Variants in NCKAP5 observed in about 807,000 individuals in gnomAD.
NCKAP5 encodes NCK associated protein 5.
NCKAP5 carries 92 observed loss-of-function variants against 167.0 expected under a neutral mutation model. That is an observed-to-expected ratio of 0.55 (90% CI 0.47 to 0.66). NCKAP5 has a LOEUF of 0.66. Ranked by LOEUF, NCKAP5 falls within the 30% of genes least tolerant of loss-of-function variation. NCKAP5 has a pLI of 0.00. For synonymous variants in NCKAP5, 891 were observed against 877.4 expected (o/e 1.02, Z -0.27); for missense variants, 2,378 against 2,315.0 (o/e 1.03, Z -0.56).
chr2:133,020,093 C>A (rs1275947218), intron 6 of NCKAP5, among the ~76,000 whole-genome samples: 3 of 152,196 alleles, frequency 2.0e-5, no homozygotes, highest in Admixed American at 2.0e-4. Context: ...TAACTGAAGT[C>A]ATTTATGAAT....
chr2:133,537,316 T>C (rs1386814986), intron 2 of NCKAP5, among the ~76,000 whole-genome samples: 1 of 152,088 alleles, frequency 6.6e-6, no homozygotes, highest in Non-Finnish European at 1.5e-5. Context: ...CATATGAATT[T>C]TGAGATCAAC....
At chr2:133,260,075 G>C (rs559711246) in intron 4 of NCKAP5, among the ~76,000 whole-genome samples, 1 of 152,272 alleles carries the variant, frequency 6.6e-6, no homozygotes, top group African/African-American at 2.4e-5. Context: ...AAATAAGTAA[G>C]TCTCATCTAA....
chr2:133,521,310 A>G (rs1450020131), intron 2 of NCKAP5, among the ~76,000 whole-genome samples: 1 of 152,254 alleles, frequency 6.6e-6, no homozygotes, highest in African/African-American at 2.4e-5. Context: ...TTTAATTCCT[A>G]TGCAGTATCA....
At chr2:133,030,237 G>A (rs540757629) in intron 6 of NCKAP5, among the ~76,000 whole-genome samples, 1 of 152,318 alleles carries the variant, frequency 6.6e-6, no homozygotes, top group African/African-American at 2.4e-5. Context: ...GGTCACAGGG[G>A]CCATCTCATG....
intron 3 of NCKAP5, among the ~76,000 whole-genome samples, chr2:133,342,733 T>C (rs1436760050): frequency 6.6e-6 from 1 of 152,232 alleles, no homozygotes; most frequent in Non-Finnish European, 1.5e-5. Context: ...GGTTCTCTAA[T>C]GTGCTCAGAG....
At chr2:133,314,525 C>T (rs1402477644) in intron 3 of NCKAP5, among the ~76,000 whole-genome samples, 1 of 152,122 alleles carries the variant, frequency 6.6e-6, no homozygotes, top group African/African-American at 2.4e-5. Context: ...CTTATGGTAA[C>T]CAGGATTAGT....
chr2:132,835,618 A>AT (rs1055466534), intron 11 of NCKAP5, among the ~76,000 whole-genome samples: 1 of 144,688 alleles, frequency 6.9e-6, no homozygotes, highest in Non-Finnish European at 1.5e-5. Context: ...AGGTGTGTTG[A>AT]TTTTTTTCAC....
intron 19 of NCKAP5, among the ~76,000 whole-genome samples, chr2:132,713,935 GATTT>G (rs1243150874): frequency 6.6e-6 from 1 of 152,128 alleles, no homozygotes; most frequent in African/African-American, 2.4e-5. Context: ...AGAGTGTGTT[GATTT>G]ATTCATTTAT....
chr2:133,250,221 T>C (rs749364548), intron 4 of NCKAP5, among the ~76,000 whole-genome samples: 26 of 152,134 alleles, frequency 1.7e-4, no homozygotes, highest in Middle Eastern at 6.8e-3. Flanking sequence ...TCCACAGCTA[T>C]GTGATCAACC....
intron 3 of NCKAP5, among the ~76,000 whole-genome samples, chr2:133,354,909 T>A (rs780108369): frequency 3.7e-4 from 57 of 152,184 alleles, no homozygotes; most frequent in Non-Finnish European, 5.6e-4. Context: ...CTATATAATG[T>A]CATCATCTTA....
In NCKAP5 at chr2:132,863,049, T is replaced by C. The variant is rs1484846428; in HGVS notation, c.688-2438A>G. On this transcript the variant is annotated intron_variant, in intron 10 of 19. Transcript: ENST00000409261. ...ATTGGCCAGGCTGGTCTCGAACTCC[T>C]GATCTCGTGATCCACCCACCTTGGC... Among the ~76,000 whole-genome samples, 3 of 152,162 alleles carry C rather than the reference T, an allele frequency of 2.0e-5. No homozygotes were observed. In the East Asian group the frequency reaches 5.9e-4, roughly 30 times the overall value.
At chr2:133,539,796 A>G (rs964872098) in intron 2 of NCKAP5, among the ~76,000 whole-genome samples, 7 of 152,248 alleles carry the variant, frequency 4.6e-5, no homozygotes, top group Admixed American at 3.3e-4. Context: ...AATGTATCCA[A>G]GGAATTCTGA....
chr2:132,942,843 C>T (rs1014654981), intron 8 of NCKAP5, among the ~76,000 whole-genome samples: 17 of 152,144 alleles, frequency 1.1e-4, no homozygotes, highest in African/African-American at 3.9e-4. Flanking sequence ...TTCCTAGGTG[C>T]CTTTTTATCT....
Position 132,783,316 on chromosome 2 carries a change from G to A in NCKAP5, c.3495C>T (p.Thr1165=), listed in dbSNP as rs375692091. 206 of 1,613,782 alleles carry A rather than the reference G, an allele frequency of 1.3e-4. 1 individual carries two copies. Among genetic ancestry groups the A allele is most frequent in the Admixed American group, 2.8e-4 (17 of 59,986 alleles). The change falls in exon 14 of 20, where the codon ACC becomes ACT. Residue 1165 remains threonine, a synonymous_variant. Transcript: ENST00000409261. Reference sequence around the variant, plus strand: ...TGTCTTTTTCATGTTTCCCTGGCACGGTGGAACTTTTCCTGAGCAGCTGGG... The same window carrying A: ...TGTCTTTTTCATGTTTCCCTGGCACAGTGGAACTTTTCCTGAGCAGCTGGG... ...KSPQLLRKSS[T]VPGKHEKDSL... is the part of the protein sequence containing the mutation.
the NCKAP5 span, among the ~76,000 whole-genome samples, chr2:133,658,029 T>C: frequency 6.6e-6 from 1 of 152,110 alleles, no homozygotes; most frequent in South Asian, 2.1e-4. Flanking sequence ...TAGGAAGGTA[T>C]GGGCAAGGCT....
At chr2:132,815,980 G>T (rs1261456165) in intron 11 of NCKAP5, among the ~76,000 whole-genome samples, 11 of 152,160 alleles carry the variant, frequency 7.2e-5, no homozygotes, top group African/African-American at 2.2e-4. Flanking sequence ...AGGGAGGCAG[G>T]AAAGCAGGTG....
chr2:133,029,510 A>T (rs1031628348), intron 6 of NCKAP5, among the ~76,000 whole-genome samples: 1 of 152,122 alleles, frequency 6.6e-6, no homozygotes, highest in Admixed American at 6.5e-5. Context: ...GCTAGATAAC[A>T]CCATTGTGGA....
At chr2:133,473,236 G>A (rs896388596) in intron 3 of NCKAP5, among the ~76,000 whole-genome samples, 2 of 152,066 alleles carry the variant, frequency 1.3e-5, no homozygotes, top group South Asian at 4.2e-4. Flanking sequence ...GGAGGCTGAG[G>A]TAGGAGAATC....
At chr2:133,474,147 TCTATCTATACAC>T (rs1559511710) in intron 3 of NCKAP5, among the ~76,000 whole-genome samples, 6 of 143,922 alleles carry the variant, frequency 4.2e-5, no homozygotes, top group African/African-American at 1.8e-4. Flanking sequence ...TATCTATCTA[TCTATCTATACAC>T]ACACACACAC....
Sources: allele counts gnomAD v4.1 joint callset (sites outside exome capture counted in the v4.1 genomes callset), GRCh38; gene constraint gnomAD v4.1.1; transcripts MANE v1.5; gene names NCBI Gene and HGNC (gene_info 2026-07-23, HGNC 2026-07-21).